The following PAWR variants were observed in gnomAD, a reference collection of about 807,000 sequenced individuals.
PAWR encodes PRKC apoptosis WT1 regulator protein.
In PAWR, 23 loss-of-function variants were observed where a neutral mutation model predicts 32.0. The ratio of observed to expected loss-of-function variants is 0.72; its 90% CI spans 0.52 to 1.02. The LOEUF (loss-of-function observed/expected upper bound fraction) is 1.02, where lower values mean the gene tolerates loss of function less well. Ranked by LOEUF, PAWR falls within the 50% of genes least tolerant of loss-of-function variation. PAWR has a pLI of 0.00. For missense variants in PAWR, 457 were observed against 437.7 expected (o/e 1.04, Z -0.39); for synonymous variants, 226 against 187.1 (o/e 1.21, Z -1.70).
chr12:79,632,318 T>TATAC (rs1875694577), intron 2 of PAWR, among the ~76,000 whole-genome samples: 2 of 24,536 alleles, frequency 8.2e-5, no homozygotes, highest in Non-Finnish European at 6.0e-5. Context: ...CATACATATA[T>TATAC]ATATATATAT....
chr12:79,644,443 T>C (rs954572497), intron 2 of PAWR, among the ~76,000 whole-genome samples: 13 of 152,316 alleles, frequency 8.5e-5, no homozygotes, highest in African/African-American at 3.1e-4. Flanking sequence ...CAAAACACGT[T>C]ACTGTTGAGC....
chr12:79,681,234 C>G (rs1878432037), intron 2 of PAWR, among the ~76,000 whole-genome samples: 1 of 151,642 alleles, frequency 6.6e-6, no homozygotes, highest in Non-Finnish European at 1.5e-5. Flanking sequence ...CATAATAAGG[C>G]AGATAAGCAG....
intron 2 of PAWR, among the ~76,000 whole-genome samples, chr12:79,659,390 T>C (rs1466576905): frequency 2.0e-5 from 3 of 152,176 alleles, no homozygotes; most frequent in South Asian, 4.1e-4. Context: ...TGAGTAAACA[T>C]AGAAGTCCAA....
intron 4 of PAWR, among the ~76,000 whole-genome samples, chr12:79,599,224 T>G (rs1873872348): frequency 6.6e-6 from 1 of 152,220 alleles, no homozygotes; most frequent in African/African-American, 2.4e-5. Context: ...TGAAGACCAA[T>G]GTACACCCTA....
rs751608245 is a variant in PAWR at position 79,592,623 on chromosome 12, C to T, written c.1007G>A (p.Gly336Asp). Reference protein sequence around the residue: ...QENKTLLKVVGQLTR With the variant: ...QENKTLLKVVDQLTR ...TTGAATCCTCTACCTGGTCAGCTGA[C>T]CCACAACTTTCAAAAGAGTTTTATT... Residue 336 changes from glycine (G) to aspartate (D), a missense_variant, in exon 7 of 7, where the codon GGT becomes GAT. Transcript: ENST00000328827. 4 of 768,888 alleles carry T rather than the reference C, an allele frequency of 5.2e-6. No homozygotes were observed. Among genetic ancestry groups the T allele is most frequent in the Admixed American group, 1.8e-5 (1 of 55,662 alleles). 47.6% of individuals were successfully genotyped at this position (768,888 alleles called of 1,614,324 possible). A position where few individuals can be genotyped will look rare whatever the true frequency, so the allele number is the denominator to read the frequency against.
At chr12:79,670,631 T>C (rs1877844241) in intron 2 of PAWR, among the ~76,000 whole-genome samples, 1 of 152,106 alleles carries the variant, frequency 6.6e-6, no homozygotes, top group Admixed American at 6.5e-5. Context: ...TTACAAAATA[T>C]CAAGGTAATA....
intron 2 of PAWR, among the ~76,000 whole-genome samples, chr12:79,665,911 A>G (rs992059364): frequency 6.6e-6 from 1 of 152,232 alleles, no homozygotes; most frequent in African/African-American, 2.4e-5. Context: ...CTCACAATAA[A>G]TAAGCATTTT....
At chr12:79,612,448 G>T (rs1162535330) in intron 4 of PAWR, among the ~76,000 whole-genome samples, 2 of 152,112 alleles carry the variant, frequency 1.3e-5, no homozygotes, top group African/African-American at 4.8e-5. Flanking sequence ...ACATACAGAT[G>T]AAAGTAAGTG....
In PAWR at chr12:79,613,931, T is replaced by TTTTATA. The variant is rs1874555348; in HGVS notation, c.649-323_649-322insTATAAA. On this transcript the variant is annotated intron_variant, in intron 3 of 6. Transcript: ENST00000328827. ...CAAGGGGCATTAAAAAGTACCACCA[T>TTTTATA]TATATATATATATATATATATATAT... Among the ~76,000 whole-genome samples the TTTTATA allele has an allele frequency of 1.3e-4, 6 of 46,780 alleles. 1 individual carries two copies. Among genetic ancestry groups the TTTTATA allele is most frequent in the African/African-American group, 2.1e-4 (3 of 14,000 alleles). 30.7% of individuals were successfully genotyped at this position (46,780 alleles called of 152,430 possible). A position where few individuals can be genotyped will look rare whatever the true frequency, so the allele number is the denominator to read the frequency against.
chr12:79,664,685 G>T (rs1877520839), intron 2 of PAWR, among the ~76,000 whole-genome samples: 1 of 150,484 alleles, frequency 6.6e-6, no homozygotes, highest in Non-Finnish European at 1.5e-5. Context: ...AGAGAGAGTG[G>T]TCTTGCTATG....
chr12:79,652,009 A>C (rs1286321360), intron 2 of PAWR, among the ~76,000 whole-genome samples: 1 of 152,138 alleles, frequency 6.6e-6, no homozygotes, highest in Non-Finnish European at 1.5e-5. Context: ...GAGGACAAAT[A>C]TGTATGATCT....
chr12:79,689,416 C>T (rs868644865), intron 2 of PAWR, among the ~76,000 whole-genome samples: 1 of 152,040 alleles, frequency 6.6e-6, no homozygotes, highest in Middle Eastern at 3.4e-3. Context: ...TCCAGGTGGC[C>T]AAGTCAGCCA....
In PAWR at chr12:79,653,582, C is replaced by T. The variant is rs556807050; in HGVS notation, c.517-32375G>A. Among the ~76,000 whole-genome samples the T allele has an allele frequency of 2.6e-4, 39 of 152,282 alleles. No individual in the cohort carries two copies. The South Asian group carries it at 3.7e-3, about 15-fold the overall frequency. On this transcript the variant is annotated intron_variant, in intron 2 of 6. Transcript: ENST00000328827. Reference sequence around the variant, plus strand: ...GCAACCTCCACTGCCCAGGTTCAAGCGATTCTCCTGCCTCAGCCTCCCGAG... The same window carrying T: ...GCAACCTCCACTGCCCAGGTTCAAGTGATTCTCCTGCCTCAGCCTCCCGAG...
chr12:79,676,801 C>CT (rs1183761789), intron 2 of PAWR, among the ~76,000 whole-genome samples: 1 of 151,660 alleles, frequency 6.6e-6, no homozygotes, highest in Non-Finnish European at 1.5e-5. Context: ...ACTGCCCACT[C>CT]TGCTTTCACA....
At chr12:79,668,492 G>A (rs1448705059) in intron 2 of PAWR, 1 of 152,216 alleles carries the variant, frequency 6.6e-6, no homozygotes, top group Admixed American at 6.5e-5. Flanking sequence ...ACCAGGGACT[G>A]GTTTCATGGG....
intron 2 of PAWR, among the ~76,000 whole-genome samples, chr12:79,657,104 A>C (rs1166874559): frequency 6.6e-6 from 1 of 152,250 alleles, no homozygotes; most frequent in Non-Finnish European, 1.5e-5. Flanking sequence ...AACAAAGCTG[A>C]GAAGAGGCAA....
At chr12:79,653,073 C>T (rs1020604316) in intron 2 of PAWR, among the ~76,000 whole-genome samples, 1 of 152,088 alleles carries the variant, frequency 6.6e-6, no homozygotes, top group African/African-American at 2.4e-5. Flanking sequence ...GACAGAGTCT[C>T]GCTGTTGTTG....
intron 2 of PAWR, among the ~76,000 whole-genome samples, chr12:79,665,388 C>T (rs1168656618): frequency 6.6e-6 from 1 of 152,210 alleles, no homozygotes; most frequent in African/African-American, 2.4e-5. Flanking sequence ...CTTCAACTCA[C>T]ATCCTTCCCA....
intron 2 of PAWR, among the ~76,000 whole-genome samples, chr12:79,674,063 C>T (rs1878040403): frequency 6.6e-6 from 1 of 152,034 alleles, no homozygotes; most frequent in African/African-American, 2.4e-5. Context: ...TTCTAAAATT[C>T]ATCTGGAAAC....
Sources: allele counts gnomAD v4.1 joint callset (sites outside exome capture counted in the v4.1 genomes callset), GRCh38; gene constraint gnomAD v4.1.1; transcripts MANE v1.5; gene names NCBI Gene and HGNC (gene_info 2026-07-23, HGNC 2026-07-21).